Variants in ART1 observed in about 807,000 individuals in gnomAD.
ART1 encodes the protein ADP-ribosyltransferase 1.
In ART1, 29 loss-of-function variants were observed where a neutral mutation model predicts 27.0. The ratio of observed to expected loss-of-function variants is 1.08; its 90% CI spans 0.80 to 1.47. The LOEUF is 1.47. Ranked by LOEUF, ART1 falls within the 40% of genes most tolerant of loss-of-function variation. The pLI is 0.00. For missense variants in ART1, 480 were observed against 423.0 expected (o/e 1.13, Z -1.18); for synonymous variants, 201 against 172.2 (o/e 1.17, Z -1.31).
At chr11:3,655,992 G>T (rs1355194027) in intron 1 of ART1, among the ~76,000 whole-genome samples, 1 of 142,388 alleles carries the variant, frequency 7.0e-6, no homozygotes, top group African/African-American at 2.6e-5. Context: ...GAGAGCAATG[G>T]TGCGATCTCG....
chr11:3,660,493 C>A, intron 3 of ART1, 130 bp downstream of exon 3: 1 of 1,075,318 alleles, frequency 9.3e-7, no homozygotes, highest in Non-Finnish European at 1.3e-6. Flanking sequence ...TATCCACCAG[C>A]TCCCAACCCC....
At chr11:3,645,651 G>A (rs72844330) in intron 1 of ART1, among the ~76,000 whole-genome samples, 3 of 152,120 alleles carry the variant, frequency 2.0e-5, no homozygotes, top group African/African-American at 7.2e-5. Flanking sequence ...CAAACATGCT[G>A]GGGCCTCCCC....
At chr11:3,653,630 C>T (rs769945874) in intron 1 of ART1, among the ~76,000 whole-genome samples, 10 of 152,244 alleles carry the variant, frequency 6.6e-5, no homozygotes, top group East Asian at 1.9e-4. Context: ...CACACGGACG[C>T]GCATGAAAAG....
intron 1 of ART1, among the ~76,000 whole-genome samples, chr11:3,649,883 C>T (rs989040917): frequency 1.3e-5 from 2 of 152,178 alleles, no homozygotes; most frequent in East Asian, 3.8e-4. Flanking sequence ...CCCTGAGACG[C>T]TTTACAGCCC....
chr11:3,658,170 T>C (rs564213598), intron 1 of ART1, among the ~76,000 whole-genome samples: 1 of 151,646 alleles, frequency 6.6e-6, no homozygotes, highest in East Asian at 1.9e-4. Flanking sequence ...CCGTCTTTAC[T>C]AAAAATACAA....
intron 1 of ART1, among the ~76,000 whole-genome samples, chr11:3,652,682 T>C (rs1252886311): frequency 4.6e-5 from 7 of 152,010 alleles, no homozygotes; most frequent in Non-Finnish European, 7.3e-5. Flanking sequence ...CCTACTATCT[T>C]CTGTCTAGTC....
chr11:3,653,838 A>G (rs1319554959), intron 1 of ART1, among the ~76,000 whole-genome samples: 1 of 114,124 alleles, frequency 8.8e-6, no homozygotes, highest in East Asian at 2.7e-4. Context: ...CAAGTCTTGT[A>G]AATTCCACCT....
intron 1 of ART1, among the ~76,000 whole-genome samples, chr11:3,657,472 G>C (rs2077584015): frequency 6.6e-6 from 1 of 152,196 alleles, no homozygotes; most frequent in African/African-American, 2.4e-5. Flanking sequence ...CTACTCGGGA[G>C]GCTGAGGCAG....
intron 4 of ART1, among the ~76,000 whole-genome samples, chr11:3,663,134 C>CTCATCTCA (rs1554883274): frequency 6.1e-5 from 9 of 148,200 alleles, no homozygotes; most frequent in Admixed American, 1.3e-4. Context: ...CTCATCTCAT[C>CTCATCTCA]TCATCTCATC....
Position 3,659,674 on chromosome 11 carries a change from G to A in ART1, c.155G>A (p.Gly52Asp), listed in dbSNP as rs2077601491. ...GCCTCCTTTGATGACCAGTACGCTG[G>A]CTGTGCTGCTGCCATGACAGCTGCT... ...ALASFDDQYA[G>D]CAAAMTAALP... is the part of the protein sequence containing the mutation. Residue 52 changes from glycine (G) to aspartate (D), a missense_variant, in exon 3 of 5, where the codon GGC becomes GAC. Coordinates refer to ENST00000250693, the MANE Select transcript of ART1 (RefSeq NM_004314.3). 6.2e-7 allele frequency: 1 copy of A among 1,613,738 alleles called. No individual in the cohort carries two copies. The highest frequency in any genetic ancestry group is 1.3e-5 in the African/African-American group (1 of 74,918).
intron 1 of ART1, among the ~76,000 whole-genome samples, chr11:3,652,926 C>A: frequency 6.7e-6 from 1 of 149,296 alleles, no homozygotes; most frequent in Middle Eastern, 3.2e-3. Flanking sequence ...ACCTTTTATA[C>A]CTGTTTTTCT....
chr11:3,655,304 A>G lies in ART1; in HGVS notation c.-52-3858A>G, dbSNP rs1004767238. ...TCTTTGTAAAGTGATCCCAAGAAAT[A>G]CAAGTCAGGGAGCGGCAAAGTCAGA... On this transcript the variant is annotated intron_variant, in intron 1 of 4. Coordinates refer to ENST00000250693, the MANE Select transcript of ART1 (RefSeq NM_004314.3). Among the ~76,000 whole-genome samples the G allele has an allele frequency of 4.8e-5, 7 of 146,248 alleles. No individual in the cohort carries two copies. The East Asian group carries it at 1.4e-3, about 29-fold the overall frequency.
chr11:3,653,692 G>C lies in ART1; in HGVS notation c.-52-5470G>C, dbSNP rs114106600. On this transcript the variant is annotated intron_variant, in intron 1 of 4. Transcript: ENST00000250693. ...ACTCCGCTTCTCCTCTGTGTTTCTA[G>C]TTTAAAGAATGGAAACCTGGGTGTC... is the stretch of plus-strand genomic sequence containing the variant. Among the ~76,000 whole-genome samples the C allele has an allele frequency of 8.3e-3, 1,258 of 152,218 alleles. 15 individuals carry two copies. The highest frequency in any genetic ancestry group is 0.028 in the African/African-American group (1,181 of 41,502).
intron 1 of ART1, among the ~76,000 whole-genome samples, chr11:3,654,893 G>A (rs12273593): frequency 6.6e-6 from 1 of 151,820 alleles, no homozygotes; most frequent in Admixed American, 6.6e-5. Flanking sequence ...AGCCTCTGAT[G>A]TATCTTGTTT....
chr11:3,655,533 G>C (rs57019855), intron 1 of ART1: 12,843 of 152,238 alleles, frequency 0.084, 1,215 homozygotes, highest in African/African-American at 0.23. Context: ...ATGCTTCAGA[G>C]ACAGAAAAAT....
At chr11:3,659,457 C>T (rs2077599710) in intron 2 of ART1, 126 bp from the exon 3 acceptor site, 2 of 1,366,126 alleles carry the variant, frequency 1.5e-6, no homozygotes, top group African/African-American at 1.5e-5. Flanking sequence ...GGTTCCCAAT[C>T]CCCTTCCCCA....
In ART1 at chr11:3,659,584, C is replaced by A. The variant is rs907576007; in HGVS notation, c.65C>A (p.Ala22Asp). 1 of 1,594,292 alleles carries A rather than the reference C, an allele frequency of 6.3e-7. No individual in the cohort carries two copies. The highest frequency in any genetic ancestry group is 8.5e-7 in the Non-Finnish European group (1 of 1,172,322). Residue 22 changes from alanine to aspartate, a missense_variant and splice_region_variant, in exon 3 of 5, where the codon GCC becomes GAC. Transcript: ENST00000250693. ...VSVGLMEALQ[A>D]QSHPITRRDL... ...TCCCTGCTACTCCTGTCCCCTCAGGCCCAGAGCCACCCCATCACACGACGA... is the reference window on the plus strand; with the variant it reads ...TCCCTGCTACTCCTGTCCCCTCAGGACCAGAGCCACCCCATCACACGACGA...
chr11:3,664,259 C>A lies in ART1; in HGVS notation c.*70C>A. On this transcript the variant is annotated 3_prime_UTR_variant, in exon 5 of 5. Coordinates refer to ENST00000250693, the MANE Select transcript of ART1 (RefSeq NM_004314.3). ...TGAGGATGTTGGCCATGTGTGCTTT[C>A]AGTGTAACCAAGATTCCTGTCAATC... 6.9e-7 allele frequency: 1 copy of A among 1,450,144 alleles called. No individual in the cohort carries two copies. The allele number at this position is 1,450,144 out of a possible 1,614,324, so 89.8% of individuals were successfully genotyped here. A position where few individuals can be genotyped will look rare whatever the true frequency, so the allele number is the denominator to read the frequency against.
At chr11:3,653,322 C>T (rs996717220) in intron 1 of ART1, among the ~76,000 whole-genome samples, 1 of 148,518 alleles carries the variant, frequency 6.7e-6, no homozygotes, top group Admixed American at 6.6e-5. Flanking sequence ...TGATGACATT[C>T]CACCACAAAA....
Sources: allele counts gnomAD v4.1 joint callset (sites outside exome capture counted in the v4.1 genomes callset), GRCh38; gene constraint gnomAD v4.1.1; transcripts MANE v1.5; gene names NCBI Gene and HGNC (gene_info 2026-07-23, HGNC 2026-07-21).